GRIK2: variants seen among roughly 807,000 people sequenced by gnomAD.
The protein encoded by GRIK2 is glutamate receptor ionotropic, kainate 2.
In GRIK2, 32 loss-of-function variants were observed where a neutral mutation model predicts 100.3. The ratio of observed to expected loss-of-function variants is 0.32; its 90% confidence interval spans 0.24 to 0.43. The LOEUF (loss-of-function observed/expected upper bound fraction) is 0.43, where lower values mean the gene tolerates loss of function less well. Ranked by LOEUF, GRIK2 falls within the 20% of genes least tolerant of loss-of-function variation. The pLI is 1.00. For missense variants in GRIK2, 843 were observed against 1,114.9 expected (o/e 0.76, Z 3.47); for synonymous variants, 417 against 389.4 (o/e 1.07, Z -0.83).
intron 7 of GRIK2, among the ~76,000 whole-genome samples, chr6:101,780,148 A>T (rs934562545): frequency 5.9e-5 from 9 of 151,842 alleles, no homozygotes; most frequent in Non-Finnish European, 7.4e-5. Context: ...ACAAGATTTG[A>T]CTTAGGGACT....
intron 14 of GRIK2, among the ~76,000 whole-genome samples, chr6:101,994,139 A>G (rs1794530689): frequency 6.6e-6 from 1 of 150,686 alleles, no homozygotes; most frequent in Non-Finnish European, 1.5e-5. Flanking sequence ...TCCATTCATA[A>G]TGCCACCCAT....
intron 2 of GRIK2, among the ~76,000 whole-genome samples, chr6:101,425,624 A>G (rs930772402): frequency 3.3e-5 from 5 of 152,142 alleles, no homozygotes; most frequent in African/African-American, 7.2e-5. Flanking sequence ...ACAGCAAGGC[A>G]TATTTATTTT....
intron 2 of GRIK2, among the ~76,000 whole-genome samples, chr6:101,443,391 G>A (rs1263700420): frequency 2.0e-5 from 3 of 152,012 alleles, no homozygotes; most frequent in Admixed American, 6.6e-5. Flanking sequence ...ATACAGAAAA[G>A]CACTAAAAAT....
chr6:101,796,202 T>G (rs1780293845), intron 7 of GRIK2, among the ~76,000 whole-genome samples: 1 of 152,220 alleles, frequency 6.6e-6, no homozygotes, highest in Admixed American at 6.5e-5. Flanking sequence ...CTTGGTTTCC[T>G]ATTTGACACA....
At chr6:101,768,497 T>C (rs4840194) in intron 7 of GRIK2, among the ~76,000 whole-genome samples, 3,215 of 152,294 alleles carry the variant, frequency 0.021, 202 homozygotes, top group East Asian at 0.19. Flanking sequence ...AGAAATGTTA[T>C]GGATTCTCTC....
intron 7 of GRIK2, among the ~76,000 whole-genome samples, chr6:101,725,123 A>G (rs1774769979): frequency 6.6e-6 from 1 of 152,052 alleles, no homozygotes; most frequent in African/African-American, 2.4e-5. Flanking sequence ...TTACACGGGT[A>G]ATAATCATTC....
intron 7 of GRIK2, among the ~76,000 whole-genome samples, chr6:101,698,899 C>CAA (rs1772683735): frequency 6.6e-6 from 1 of 152,082 alleles, no homozygotes; most frequent in Non-Finnish European, 1.5e-5. Context: ...CATAAAGACA[C>CAA]AACTTGAGAA....
chr6:101,446,925 G>T (rs1390114886), intron 2 of GRIK2, among the ~76,000 whole-genome samples: 5 of 147,458 alleles, frequency 3.4e-5, no homozygotes, highest in Non-Finnish European at 7.5e-5. Flanking sequence ...CTTTGTACGT[G>T]TATATATAAT....
chr6:101,469,620 C>T (rs1771841275), intron 2 of GRIK2, among the ~76,000 whole-genome samples: 1 of 152,208 alleles, frequency 6.6e-6, no homozygotes, highest in South Asian at 2.1e-4. Context: ...TAACTGGCCT[C>T]ATTCTTCTCC....
At chr6:101,459,028 G>A (rs985200733) in intron 2 of GRIK2, among the ~76,000 whole-genome samples, 39 of 152,142 alleles carry the variant, frequency 2.6e-4, no homozygotes, top group Admixed American at 7.9e-4. Flanking sequence ...AAAAGTTGGA[G>A]TAATAATGGG....
At chr6:101,416,455 T>G (rs1226079639) in intron 2 of GRIK2, among the ~76,000 whole-genome samples, 1 of 152,158 alleles carries the variant, frequency 6.6e-6, no homozygotes, top group Non-Finnish European at 1.5e-5. Flanking sequence ...AAAATCAGAC[T>G]TCTCTTTGCT....
chr6:101,781,833 GT>G (rs138560488), intron 7 of GRIK2, among the ~76,000 whole-genome samples: 26,754 of 147,034 alleles, frequency 0.18, 3,602 homozygotes, highest in East Asian at 0.66. Flanking sequence ...TCATACATTA[GT>G]TTTTTTTTTT....
At chr6:101,550,400 C>CA (rs1361252120) in intron 2 of GRIK2, among the ~76,000 whole-genome samples, 1 of 152,064 alleles carries the variant, frequency 6.6e-6, no homozygotes, top group African/African-American at 2.4e-5. Context: ...TTCACAGGTG[C>CA]AAAAATGAAA....
At chr6:101,875,304 A>G (rs1235321807) in intron 11 of GRIK2, among the ~76,000 whole-genome samples, 1 of 151,892 alleles carries the variant, frequency 6.6e-6, no homozygotes, top group Non-Finnish European at 1.5e-5. Context: ...CAAAACCTCA[A>G]TAAGAGATCT....
intron 4 of GRIK2, among the ~76,000 whole-genome samples, chr6:101,666,511 C>T (rs1278763653): frequency 1.3e-5 from 2 of 152,192 alleles, no homozygotes; most frequent in African/African-American, 4.8e-5. Flanking sequence ...CATTGTTTGA[C>T]TAATCACATT....
rs934817277 is a variant in GRIK2 at position 102,042,304 on chromosome 6, A to G, written c.2311+6738A>G. Among the ~76,000 whole-genome samples the G allele has an allele frequency of 3.3e-5, 5 of 151,778 alleles. No homozygotes were observed. The South Asian group carries it at 1.0e-3, about 31-fold the overall frequency. On this transcript the variant is annotated intron_variant, in intron 15 of 16. Transcript: ENST00000369134. ...TTTTCTTTACATTTGACCAATCTACAAGAATTTCATTACTCTTTCTTTCCT... is the reference window on the plus strand; with the variant it reads ...TTTTCTTTACATTTGACCAATCTACGAGAATTTCATTACTCTTTCTTTCCT...
At chr6:101,915,290 A>C (rs1348878110) in intron 12 of GRIK2, among the ~76,000 whole-genome samples, 1 of 151,476 alleles carries the variant, frequency 6.6e-6, no homozygotes, top group African/African-American at 2.4e-5. Flanking sequence ...TCTTATTGAA[A>C]GAAATTGCCA....
At chr6:101,608,650 T>G (rs581567) in intron 2 of GRIK2, among the ~76,000 whole-genome samples, 3,929 of 151,992 alleles carry the variant, frequency 0.026, 174 homozygotes, top group African/African-American at 0.09. Flanking sequence ...CACAAGAGGT[T>G]ATAGACTAAT....
chr6:101,569,621 A>G (rs1008822771), intron 2 of GRIK2, among the ~76,000 whole-genome samples: 1 of 152,018 alleles, frequency 6.6e-6, no homozygotes, highest in African/African-American at 2.4e-5. Flanking sequence ...ACTATACCTC[A>G]TATATGTTAC....
Sources: allele counts gnomAD v4.1 joint callset (sites outside exome capture counted in the v4.1 genomes callset), GRCh38; gene constraint gnomAD v4.1.1; transcripts MANE v1.5; gene names NCBI Gene and HGNC (gene_info 2026-07-23, HGNC 2026-07-21).